TRHR: variants seen among roughly 807,000 people sequenced by gnomAD.
TRHR encodes the protein thyrotropin-releasing hormone receptor.
A neutral mutation model predicts 28.0 loss-of-function variants in TRHR; 14 were observed. The ratio of observed to expected loss-of-function variants is 0.50; its 90% CI spans 0.33 to 0.78. TRHR has a LOEUF of 0.78. TRHR is among the 30% of genes least tolerant of loss of function. TRHR has a pLI of 0.02. For synonymous variants in TRHR, 176 were observed against 171.9 expected (o/e 1.02, Z -0.18); for missense variants, 438 against 469.5 (o/e 0.93, Z 0.62).
chr8:109,108,302 C>T (rs1215857293), intron 2 of TRHR, among the ~76,000 whole-genome samples: 1 of 152,148 alleles, frequency 6.6e-6, no homozygotes, highest in Non-Finnish European at 1.5e-5. Flanking sequence ...TTTAAAATAT[C>T]CCCTTTGATT....
At chr8:109,108,174 A>G (rs1811779445) in intron 2 of TRHR, among the ~76,000 whole-genome samples, 1 of 152,168 alleles carries the variant, frequency 6.6e-6, no homozygotes, top group African/African-American at 2.4e-5. Flanking sequence ...ACTTTGTCCA[A>G]GATTTTTAGA....
At chr8:109,098,887 A>G (rs1030556574) in intron 2 of TRHR, among the ~76,000 whole-genome samples, 13 of 151,952 alleles carry the variant, frequency 8.6e-5, no homozygotes, top group Non-Finnish European at 1.8e-4. Context: ...TGTATGGTTC[A>G]CCATTTTGCC....
intron 2 of TRHR, among the ~76,000 whole-genome samples, chr8:109,097,279 C>T (rs1215830473): frequency 6.6e-6 from 1 of 152,102 alleles, no homozygotes; most frequent in Non-Finnish European, 1.5e-5. Flanking sequence ...CATTTGAGTG[C>T]CCCTAGGTGA....
At chr8:109,095,051 C>T (rs981151671) in intron 2 of TRHR, among the ~76,000 whole-genome samples, 2 of 151,440 alleles carry the variant, frequency 1.3e-5, no homozygotes, top group African/African-American at 2.4e-5. Flanking sequence ...TTATAATGCT[C>T]GAGCTGGGTC....
In TRHR at chr8:109,087,407, T is replaced by C; in HGVS notation, c.-88-18T>C. ...AATTGTAACACTGTTAATGAATATG[T>C]ACTATGACCCTTCACAGGGGGATGG... On this transcript the variant is annotated intron_variant, in intron 1 of 2. Transcript: ENST00000518632. 8.4e-7 allele frequency: 1 copy of C among 1,187,374 alleles called. No individual in the cohort carries two copies. The highest frequency in any genetic ancestry group is 1.2e-6 in the Non-Finnish European group (1 of 817,992). 73.6% of individuals were successfully genotyped at this position (1,187,374 alleles called of 1,614,324 possible).
chr8:109,090,015 C>G lies in TRHR; in HGVS notation c.789+1714C>G, dbSNP rs779910557. 1.8e-4 allele frequency among the ~76,000 whole-genome samples: 28 copies of G among 152,168 alleles called. 1 individual carries two copies. Among genetic ancestry groups the G allele is most frequent in the Admixed American group, 2.0e-4 (3 of 15,268 alleles). ...TCACAGTCTTATTTCAAAGCTGTTACCGATAAGCTGTCCTTACAGAGGCTG... is the reference window on the plus strand; with the variant it reads ...TCACAGTCTTATTTCAAAGCTGTTAGCGATAAGCTGTCCTTACAGAGGCTG... On this transcript the variant is annotated intron_variant, in intron 2 of 2. Transcript: ENST00000518632.
At position 109,087,831 on chromosome 8, in the gene TRHR, T is replaced by C; in HGVS notation, c.319T>C (p.Leu107=). Residue 107 remains leucine (L), a synonymous_variant, in exon 2 of 3, where the codon TTG becomes CTG. Coordinates refer to ENST00000518632, the MANE Select transcript of TRHR (RefSeq NM_003301.7). ...CCTCTGCATTACTTACCTCCAGTAT[T>C]TGGGAATTAATGCATCCTCTTGTTC... ...GCLCITYLQY[L]GINASSCSIT... 1.2e-6 allele frequency: 2 copies of C among 1,614,190 alleles called. No individual in the cohort carries two copies. Among genetic ancestry groups the C allele is most frequent in the Non-Finnish European group, 1.7e-6 (2 of 1,180,032 alleles).
intron 2 of TRHR, among the ~76,000 whole-genome samples, chr8:109,104,266 A>G (rs957592740): frequency 6.6e-6 from 1 of 152,208 alleles, no homozygotes; most frequent in Non-Finnish European, 1.5e-5. Flanking sequence ...GCTTAGTAAC[A>G]CTGAGCAATA....
Position 109,102,615 on chromosome 8 carries a change from G to C in TRHR, c.789+14314G>C, listed in dbSNP as rs186941864. 2.4e-4 allele frequency among the ~76,000 whole-genome samples: 37 copies of C among 152,220 alleles called. No individual in the cohort carries two copies. The East Asian group carries it at 6.8e-3, about 28-fold the overall frequency. On this transcript the variant is annotated intron_variant, in intron 2 of 2. Transcript: ENST00000518632. ...AATGAGGAAGAAAGTTGTGAGTTTA[G>C]CAAGTTGGTCTCTATTTTTTCAGTG...
chr8:109,096,155 G>T (rs1013498414), intron 2 of TRHR, among the ~76,000 whole-genome samples: 1 of 152,102 alleles, frequency 6.6e-6, no homozygotes, highest in Non-Finnish European at 1.5e-5. Flanking sequence ...CTCTCACGTG[G>T]CTCTCCCAAC....
intron 2 of TRHR, among the ~76,000 whole-genome samples, chr8:109,104,531 A>G (rs1811722782): frequency 1.3e-5 from 2 of 152,136 alleles, no homozygotes; most frequent in African/African-American, 4.8e-5. Flanking sequence ...ATTTATAGTC[A>G]TTATGAAGAT....
At chr8:109,098,134 T>C (rs1432754848) in intron 2 of TRHR, among the ~76,000 whole-genome samples, 1 of 151,364 alleles carries the variant, frequency 6.6e-6, no homozygotes, top group African/African-American at 2.4e-5. Context: ...CTCTTTTCTT[T>C]TTTCTTTTTT....
chr8:109,117,398 A>G (rs1348558448), intron 2 of TRHR, among the ~76,000 whole-genome samples: 2 of 151,898 alleles, frequency 1.3e-5, no homozygotes, highest in African/African-American at 2.4e-5. Context: ...TGGAATTACT[A>G]TAAGTATTAA....
At chr8:109,097,193 G>A (rs1369664606) in intron 2 of TRHR, among the ~76,000 whole-genome samples, 1 of 152,090 alleles carries the variant, frequency 6.6e-6, no homozygotes, top group Non-Finnish European at 1.5e-5. Flanking sequence ...TTGGACAGAA[G>A]GCATAGAGAG....
chr8:109,087,866 C>G lies in TRHR; in HGVS notation c.354C>G (p.Ala118=), dbSNP rs1437390064. The part of the protein sequence containing the change: ...GINASSCSIT[A]FTIERYIAIC... ...ATGCATCCTCTTGTTCAATAACAGC[C>G]TTTACCATTGAGAGGTACATAGCAA... Residue 118 remains alanine (A), a synonymous_variant, in exon 2 of 3, where the codon GCC becomes GCG. Transcript: ENST00000518632. The G allele has an allele frequency of 3.7e-6, 6 of 1,614,102 alleles. No homozygotes were observed. Among genetic ancestry groups the G allele is most frequent in the Non-Finnish European group, 5.1e-6 (6 of 1,180,046 alleles).
At position 109,088,206 on chromosome 8, in the gene TRHR, A is replaced by G. The variant is rs1357012067; in HGVS notation, c.694A>G (p.Lys232Glu). The change falls in exon 2 of 3, where the codon AAG (lysine) becomes GAG (glutamate). Residue 232 changes from lysine to glutamate, a missense_variant. Lys to Glu is a moderately conservative substitution (Grantham distance 56). Transcript: ENST00000518632. ...TCCTTCAGATCCTAAAGAAAACTCT[A>G]AGACATGGAAAAATGATTCAACCCA... ...PIPSDPKENS[K>E]TWKNDSTHQN... is the part of the protein sequence containing the mutation. 6.2e-7 allele frequency: 1 copy of G among 1,614,132 alleles called. No individual in the cohort carries two copies. The highest frequency in any genetic ancestry group is 2.2e-5 in the East Asian group (1 of 44,874).
chr8:109,117,002 C>G (rs1490928046), intron 2 of TRHR, among the ~76,000 whole-genome samples: 1 of 151,986 alleles, frequency 6.6e-6, no homozygotes, highest in Non-Finnish European at 1.5e-5. Flanking sequence ...TTGCTCCCTT[C>G]ACTGACATTC....
At chr8:109,094,447 C>G (rs752043093) in intron 2 of TRHR, among the ~76,000 whole-genome samples, 1 of 151,930 alleles carries the variant, frequency 6.6e-6, no homozygotes, top group East Asian at 1.9e-4. Flanking sequence ...ATTATTTATT[C>G]CAATGTCTGG....
chr8:109,109,978 T>G (rs1316653250), intron 2 of TRHR, among the ~76,000 whole-genome samples: 1 of 152,200 alleles, frequency 6.6e-6, no homozygotes, highest in Non-Finnish European at 1.5e-5. Context: ...GGTCATGTCA[T>G]GTTCTACATA....
Sources: allele counts gnomAD v4.1 joint callset (sites outside exome capture counted in the v4.1 genomes callset), GRCh38; gene constraint gnomAD v4.1.1; transcripts MANE v1.5; gene names NCBI Gene and HGNC (gene_info 2026-07-23, HGNC 2026-07-21).